TEX2: variants seen among roughly 807,000 people sequenced by gnomAD.
TEX2 encodes testis-expressed protein 2.
In TEX2, 53 loss-of-function variants were observed where a neutral mutation model predicts 106.9. The ratio of observed to expected loss-of-function variants is 0.50; its 90% CI spans 0.40 to 0.62. TEX2 has a LOEUF of 0.62. TEX2 is among the 20% of genes least tolerant of loss of function. The pLI is 0.00. For missense variants in TEX2, 1,207 were observed against 1,379.0 expected, an observed-to-expected ratio of 0.88 and a Z score of 1.98; for synonymous variants, 523 against 534.8, an observed-to-expected ratio of 0.98 and a Z score of 0.30.
In TEX2 at chr17:64,217,706, C is replaced by T. The variant is rs141001807; in HGVS notation, c.-25-3464G>A. On this transcript the variant is annotated intron_variant, in intron 1 of 11. Transcript: ENST00000584379. The surrounding 1 kb of genome is among the most constrained non-coding windows in gnomAD (Gnocchi z 4.3). ...ACCCAGGCTCAAAAAAAGAGACAAG[C>T]TTCTCTCAAGCCCTCAGGAACTGAA... Among the ~76,000 whole-genome samples the T allele has an allele frequency of 1.4e-3, 207 of 152,338 alleles. 2 individuals carry two copies. The highest frequency in any genetic ancestry group is 2.3e-3 in the Non-Finnish European group (154 of 68,022).
At chr17:64,241,454 A>T (rs2033887726) in intron 1 of TEX2, among the ~76,000 whole-genome samples, 1 of 152,176 alleles carries the variant, frequency 6.6e-6, no homozygotes. Context: ...AAATCTATCA[A>T]AATCTGTGAA....
At chr17:64,227,897 T>C (rs1400755352) in intron 1 of TEX2, among the ~76,000 whole-genome samples, 1 of 152,256 alleles carries the variant, frequency 6.6e-6, no homozygotes, top group Non-Finnish European at 1.5e-5. Context: ...TTGTTTACTG[T>C]TCTTATAAGC....
At chr17:64,216,763 C>T (rs1030328304) in intron 1 of TEX2, among the ~76,000 whole-genome samples, 7 of 152,184 alleles carry the variant, frequency 4.6e-5, no homozygotes, top group African/African-American at 1.7e-4. Flanking sequence ...GTCACCAGGA[C>T]CCTGCTTGCC....
intron 1 of TEX2, among the ~76,000 whole-genome samples, chr17:64,215,544 G>A (rs1010148176): frequency 6.6e-6 from 1 of 152,218 alleles, no homozygotes. Flanking sequence ...AGTGGAAAGA[G>A]CACCCAGCTT....
At chr17:64,189,013 T>A (rs1371894276) in intron 4 of TEX2, among the ~76,000 whole-genome samples, 2 of 152,096 alleles carry the variant, frequency 1.3e-5, no homozygotes, top group African/African-American at 4.8e-5. Context: ...GACCAACACA[T>A]CCCAAGTAGT....
At position 64,263,255 on chromosome 17, in the gene TEX2, G is replaced by A. The variant is rs1323308628; in HGVS notation, c.-113C>T. On this transcript the variant is annotated 5_prime_UTR_variant, in exon 1 of 12. Transcript: ENST00000584379. ...CGGCTTCGGCTGGGGCACCGGCCGC[G>A]GTCCTGCTGCCCTGCCGCCCGCCCG... 6.7e-6 allele frequency: 1 copy of A among 149,136 alleles called. No homozygotes were observed. The highest frequency in any genetic ancestry group is 1.9e-4 in the South Asian group (1 of 5,320). 9.2% of individuals were successfully genotyped at this position (149,136 alleles called of 1,614,324 possible).
At chr17:64,204,514 C>CA (rs1167838780) in intron 2 of TEX2, among the ~76,000 whole-genome samples, 1 of 152,172 alleles carries the variant, frequency 6.6e-6, no homozygotes, top group Non-Finnish European at 1.5e-5. Context: ...TTTACTTTCT[C>CA]AACTAGAAAG....
chr17:64,257,427 T>C (rs189114065), intron 1 of TEX2, among the ~76,000 whole-genome samples: 1 of 152,368 alleles, frequency 6.6e-6, no homozygotes, highest in East Asian at 1.9e-4. Context: ...TCCCCACTTA[T>C]CTGCAGTTTC....
chr17:64,167,560 T>C (rs981470094), intron 7 of TEX2, among the ~76,000 whole-genome samples: 2 of 152,156 alleles, frequency 1.3e-5, no homozygotes, highest in Non-Finnish European at 2.9e-5. Flanking sequence ...GGCTCATGCA[T>C]GTAATCCCAG....
At chr17:64,169,195 T>C (rs1190245065) in intron 7 of TEX2, among the ~76,000 whole-genome samples, 3 of 152,106 alleles carry the variant, frequency 2.0e-5, no homozygotes, top group Non-Finnish European at 2.9e-5. Context: ...CACACCACCA[T>C]GCCCGGCTGA....
intron 1 of TEX2, among the ~76,000 whole-genome samples, chr17:64,241,714 G>A (rs1555635800): frequency 6.6e-6 from 1 of 152,052 alleles, no homozygotes; most frequent in Non-Finnish European, 1.5e-5. Context: ...GCTCACTGCA[G>A]CCTCGAACTC....
chr17:64,241,861 C>T (rs1430175614), intron 1 of TEX2, among the ~76,000 whole-genome samples: 1 of 152,082 alleles, frequency 6.6e-6, no homozygotes, highest in Admixed American at 6.5e-5. Context: ...TCAAACTCCT[C>T]GGCTCATGTA....
At chr17:64,246,285 G>A (rs947305512) in intron 1 of TEX2, among the ~76,000 whole-genome samples, 1 of 152,110 alleles carries the variant, frequency 6.6e-6, no homozygotes, top group Non-Finnish European at 1.5e-5. Context: ...TCGCTCTGTT[G>A]CCCAGGCTGG....
chr17:64,152,637 T>C (rs566639434), intron 10 of TEX2, among the ~76,000 whole-genome samples: 3 of 152,328 alleles, frequency 2.0e-5, no homozygotes, highest in African/African-American at 7.2e-5. Context: ...ACAGCTGTTA[T>C]TACTGGCAGA....
rs547970919 is a variant in TEX2, at chr17:64,188,214, C to T, written c.2378G>A (p.Arg793Lys). ...GCTCTCCGCACTCTGCAGGGGGCTC[C>T]TCTGGGGGCTTCGGCTTTCCTGGGG... is the stretch of plus-strand genomic sequence containing the variant. Reference protein sequence around the residue: ...CVPQESRSPQRSPLQSAESSP... With the variant: ...CVPQESRSPQKSPLQSAESSP... Residue 793 changes from arginine to lysine, a missense_variant, in exon 5 of 12, where the codon AGG becomes AAG. Coordinates refer to ENST00000584379, the MANE Select transcript of TEX2 (RefSeq NM_001288732.2). 6 of 1,612,730 alleles carry T rather than the reference C, an allele frequency of 3.7e-6. No homozygotes were observed. The East Asian group carries it at 6.7e-5, about 18-fold the overall frequency.
chr17:64,238,657 C>G (rs539687663), intron 1 of TEX2, among the ~76,000 whole-genome samples: 36 of 152,314 alleles, frequency 2.4e-4, no homozygotes, highest in Admixed American at 1.0e-3. Flanking sequence ...ACCATCAGCT[C>G]TTGTGAGAAC....
chr17:64,218,549 G>A (rs1248434127), intron 1 of TEX2, among the ~76,000 whole-genome samples: 1 of 151,804 alleles, frequency 6.6e-6, no homozygotes, highest in Non-Finnish European at 1.5e-5. Context: ...CTCCCCAGTA[G>A]CTGGGACTAC....
chr17:64,240,404 C>T (rs557140925), intron 1 of TEX2, among the ~76,000 whole-genome samples: 1 of 152,232 alleles, frequency 6.6e-6, no homozygotes, highest in South Asian at 2.1e-4. Context: ...ACTGAGGGGA[C>T]ACTGAAGAGG....
chr17:64,262,586 G>A (rs561833051), intron 1 of TEX2, among the ~76,000 whole-genome samples: 43 of 152,308 alleles, frequency 2.8e-4, no homozygotes, highest in African/African-American at 1.0e-3. Flanking sequence ...CTGGCGCTAG[G>A]CCTCAGCCCA....
Sources: allele counts gnomAD v4.1 joint callset (sites outside exome capture counted in the v4.1 genomes callset), GRCh38; gene constraint gnomAD v4.1.1; non-coding constraint Gnocchi (gnomAD v3.1); transcripts MANE v1.5; gene names NCBI Gene and HGNC (gene_info 2026-07-23, HGNC 2026-07-21).